SMARCB1: variants seen among roughly 807,000 people sequenced by gnomAD.
The protein encoded by SMARCB1 is SWI/SNF related BAF chromatin remodeling complex subunit B1, also known as SWI/SNF-related matrix-associated actin-dependent regulator of chromatin subfamily B member 1.
Under a neutral mutation model 49.0 loss-of-function variants are expected in SMARCB1, and 5 were observed. The ratio of observed to expected loss-of-function variants is 0.10; its 90% confidence interval spans 0.05 to 0.21. The LOEUF is 0.21. SMARCB1 is among the 10% of genes least tolerant of loss of function. SMARCB1 has a pLI of 1.00. For synonymous variants in SMARCB1, 201 were observed against 200.1 expected, an observed-to-expected ratio of 1.00 and a Z score of -0.04; for missense variants, 226 against 509.2, an observed-to-expected ratio of 0.44 and a Z score of 5.35.
chr22:23,830,771 C>T (rs1276299748), intron 7 of SMARCB1, among the ~76,000 whole-genome samples: 1 of 149,288 alleles, frequency 6.7e-6, no homozygotes, highest in Non-Finnish European at 1.5e-5. Context: ...AAGTGATTCT[C>T]CTACCTCAGC....
chr22:23,816,551 G>A (rs1385469834), intron 5 of SMARCB1: 2 of 628,622 alleles, frequency 3.2e-6, no homozygotes, highest in South Asian at 3.7e-5. Context: ...CACCCCCAGG[G>A]CATGGAGCAG....
intron 3 of SMARCB1, among the ~76,000 whole-genome samples, chr22:23,799,256 G>A (rs1446384389): frequency 1.3e-5 from 2 of 151,776 alleles, no homozygotes; most frequent in Non-Finnish European, 2.9e-5. Flanking sequence ...CAGCCCTGGA[G>A]CCTTAGTTTA....
In SMARCB1 at chr22:23,825,093, A is replaced by G. The variant is rs2030309269; in HGVS notation, c.796-132A>G. 5.4e-6 allele frequency: 4 copies of G among 744,062 alleles called. No individual in the cohort carries two copies. In the Admixed American group the frequency reaches 5.9e-5, roughly 11 times the overall value. The allele number at this position is 744,062 out of a possible 1,614,324, so 46.1% of individuals were successfully genotyped here. A position where few individuals can be genotyped will look rare whatever the true frequency, so the allele number is the denominator to read the frequency against. On this transcript the variant is annotated intron_variant, in intron 6 of 8. Coordinates refer to ENST00000644036, the MANE Select transcript of SMARCB1 (RefSeq NM_003073.5). ...TTTGGGGATGGGGAACTGGAAGGACAAGGACCACCTGCAGTTCTCAGCTGG... is the reference window on the plus strand; with the variant it reads ...TTTGGGGATGGGGAACTGGAAGGACGAGGACCACCTGCAGTTCTCAGCTGG...
chr22:23,825,205 T>A lies in SMARCB1; in HGVS notation c.796-20T>A. The A allele has an allele frequency of 1.9e-6, 3 of 1,612,104 alleles. No homozygotes were observed. Among genetic ancestry groups the A allele is most frequent in the Non-Finnish European group, 2.5e-6 (3 of 1,178,104 alleles). On this transcript the variant is annotated intron_variant, in intron 6 of 8. Coordinates refer to ENST00000644036, the MANE Select transcript of SMARCB1 (RefSeq NM_003073.5). ...TGGGCTGCAAAAGCTCTAACTTGTGTCCTTTGGTTGTTGCCTCAGCTGAAC... is the reference window on the plus strand; with the variant it reads ...TGGGCTGCAAAAGCTCTAACTTGTGACCTTTGGTTGTTGCCTCAGCTGAAC...
chr22:23,787,382 CTCG>C, intron 1 of SMARCB1, 120 bp downstream of exon 1: 1 of 489,580 alleles, frequency 2.0e-6, no homozygotes, highest in Non-Finnish European at 3.5e-6. Context: ...CGCGCGCGCG[CTCG>C]GGGCTGTGGG....
rs1232665154 is a variant in SMARCB1, at chr22:23,836,883, G to C, written c.*2703G>C. ...CTGGGTGGGGGTCACTGCTGCGGGG[G>C]TGGCAGATGGGGTCCTGGCTGTTCC... On this transcript the variant is annotated 3_prime_UTR_variant, in exon 9 of 9. Transcript: ENST00000644036. 18 of 1,476,814 alleles carry C rather than the reference G, an allele frequency of 1.2e-5. No homozygotes were observed. Among genetic ancestry groups the C allele is most frequent in the East Asian group, 7.5e-5 (3 of 40,264 alleles). The allele number at this position is 1,476,814 out of a possible 1,614,324, so 91.5% of individuals were successfully genotyped here.
At position 23,832,335 on chromosome 22, in the gene SMARCB1, T is replaced by C. The variant is rs576127032; in HGVS notation, c.987-1237T>C. On this transcript the variant is annotated intron_variant, in intron 7 of 8. Transcript: ENST00000644036. ...AAAGCCCTTCACAGCAATAAATGTT[T>C]CCATATTCCAGATGAGGTTTGCAGG... Among the ~76,000 whole-genome samples the C allele has an allele frequency of 1.6e-4, 25 of 152,296 alleles. No homozygotes were observed. The South Asian group carries it at 5.2e-3, about 32-fold the overall frequency.
chr22:23,793,529 G>C (rs1170938482), intron 2 of SMARCB1, 30 bp from the exon 3 acceptor site: 1 of 1,613,596 alleles, frequency 6.2e-7, no homozygotes, highest in Non-Finnish European at 8.5e-7. Flanking sequence ...GCCACCAGCA[G>C]AGTGACCCAG....
chr22:23,799,339 G>T (rs1488687800), intron 3 of SMARCB1, among the ~76,000 whole-genome samples: 1 of 151,626 alleles, frequency 6.6e-6, no homozygotes, highest in Non-Finnish European at 1.5e-5. Context: ...GAGTGCAGTG[G>T]TTGATCCCGG....
chr22:23,787,266 G>T lies in SMARCB1; in HGVS notation c.93+4G>T. The T allele has an allele frequency of 1.9e-6, 3 of 1,574,310 alleles. No homozygotes were observed. The highest frequency in any genetic ancestry group is 2.4e-5 in the East Asian group (1 of 42,530). ...GTTCTACATGATCGGCTCCGAGGTAGCCCGGGGCGCGTTCTCGCCCTCCCC... is the reference window on the plus strand; with the variant it reads ...GTTCTACATGATCGGCTCCGAGGTATCCCGGGGCGCGTTCTCGCCCTCCCC... On this transcript the variant is annotated splice_donor_region_variant and intron_variant, in intron 1 of 8. Transcript: ENST00000644036.
Position 23,824,977 on chromosome 22 carries a change from C to T in SMARCB1, c.796-248C>T, listed in dbSNP as rs551874583. The T allele has an allele frequency of 7.6e-5, 44 of 575,814 alleles. 1 individual carries two copies. The highest frequency in any genetic ancestry group is 7.3e-4 in the African/African-American group (39 of 53,552). 35.7% of individuals were successfully genotyped at this position (575,814 alleles called of 1,614,324 possible). On this transcript the variant is annotated intron_variant, in intron 6 of 8. Transcript: ENST00000644036. ...AAGGTAAGGTGGGACTCAGGTGCCC[C>T]CGGGGTCACTTCAGGGCCTCCCGAG... is the stretch of plus-strand genomic sequence containing the variant.
At position 23,836,194 on chromosome 22, in the gene SMARCB1, G is replaced by C. The variant is rs1209394551; in HGVS notation, c.*2014G>C. On this transcript the variant is annotated 3_prime_UTR_variant, in exon 9 of 9. Coordinates refer to ENST00000644036, the MANE Select transcript of SMARCB1 (RefSeq NM_003073.5). ...AGAACTCTGCTAAGGTGAAAACTTA[G>C]GCTCTGAGGTCATAGAAAGGGCAGA... The C allele has an allele frequency of 2.0e-6, 2 of 985,326 alleles. No homozygotes were observed. Among genetic ancestry groups the C allele is most frequent in the African/African-American group, 1.7e-5 (1 of 57,248 alleles). 61.0% of individuals were successfully genotyped at this position (985,326 alleles called of 1,614,324 possible). A position where few individuals can be genotyped will look rare whatever the true frequency, so the allele number is the denominator to read the frequency against.
chr22:23,813,614 CACTG>C (rs1230214466), intron 5 of SMARCB1, among the ~76,000 whole-genome samples: 1 of 152,096 alleles, frequency 6.6e-6, no homozygotes, highest in East Asian at 1.9e-4. Context: ...AACTATAAAA[CACTG>C]ACGAAAGTAA....
Position 23,831,637 on chromosome 22 carries a change from G to C in SMARCB1, c.987-1935G>C, listed in dbSNP as rs531429456. ...ACTTTAGAACAAACCCACTGGAGTG[G>C]AATATTCCCAGCATCAAGGGGAGGT... is the stretch of plus-strand genomic sequence containing the variant. On this transcript the variant is annotated intron_variant, in intron 7 of 8. Transcript: ENST00000644036. Among the ~76,000 whole-genome samples the C allele has an allele frequency of 4.6e-5, 7 of 152,312 alleles. No homozygotes were observed. In the South Asian group the frequency reaches 1.2e-3, roughly 27 times the overall value.
In SMARCB1 at chr22:23,837,467, C is replaced by A. The variant is rs1009151859; in HGVS notation, c.*3287C>A. On this transcript the variant is annotated 3_prime_UTR_variant, in exon 9 of 9. Coordinates refer to ENST00000644036, the MANE Select transcript of SMARCB1 (RefSeq NM_003073.5). ...GCAAGCATCAGTAGATCCGTCCTGA[C>A]GATGCAAATTATGTGGGCCGGCTGG... is the stretch of plus-strand genomic sequence containing the variant. 1 of 677,950 alleles carries A rather than the reference C, an allele frequency of 1.5e-6. No individual in the cohort carries two copies. Among genetic ancestry groups the A allele is most frequent in the African/African-American group, 1.8e-5 (1 of 55,290 alleles). 42.0% of individuals were successfully genotyped at this position (677,950 alleles called of 1,614,324 possible). A position where few individuals can be genotyped will look rare whatever the true frequency, so the allele number is the denominator to read the frequency against.
intron 5 of SMARCB1, among the ~76,000 whole-genome samples, chr22:23,811,036 CA>C (rs56238275): frequency 0.19 from 25,238 of 130,728 alleles, 1,927 homozygotes; most frequent in Middle Eastern, 0.33. Flanking sequence ...GACTGTGTCT[CA>C]AAAAAAAAAA....
chr22:23,793,540 T>C lies in SMARCB1; in HGVS notation c.233-19T>C. ...CACCGCCACCAGCAGAGTGACCCAG[T>C]GATGTTTGTCTGTTACAGATCACGG... On this transcript the variant is annotated intron_variant, in intron 2 of 8. Coordinates refer to ENST00000644036, the MANE Select transcript of SMARCB1 (RefSeq NM_003073.5). The C allele has an allele frequency of 6.2e-7, 1 of 1,614,022 alleles. No homozygotes were observed. The highest frequency in any genetic ancestry group is 8.5e-7 in the Non-Finnish European group (1 of 1,179,940).
rs1240084359 is a variant in SMARCB1 at position 23,834,779 on chromosome 22, C to G, written c.*599C>G. 1.3e-6 allele frequency: 2 copies of G among 1,569,018 alleles called. No homozygotes were observed. Among genetic ancestry groups the G allele is most frequent in the African/African-American group, 2.7e-5 (2 of 74,012 alleles). ...TAGCTGTGAGGCTCAGGGCAAGAGG[C>G]TCTCTGCCTTTCAGGAACAGCCCTA... On this transcript the variant is annotated 3_prime_UTR_variant, in exon 9 of 9. Coordinates refer to ENST00000644036, the MANE Select transcript of SMARCB1 (RefSeq NM_003073.5).
chr22:23,789,322 T>C (rs1006044373), intron 1 of SMARCB1, among the ~76,000 whole-genome samples: 5 of 152,268 alleles, frequency 3.3e-5, no homozygotes, highest in African/African-American at 1.2e-4. Flanking sequence ...AACTGCAGAA[T>C]GCAAAAGGTG....
Sources: gnomAD v4.1 joint callset for allele counts (sites outside exome capture counted in the v4.1 genomes callset) on GRCh38, gnomAD v4.1.1 for gene constraint, MANE v1.5 for transcripts, NCBI Gene and HGNC (gene_info 2026-07-23, HGNC 2026-07-21) for gene names.